ZNF469: variants seen among roughly 807,000 people sequenced by gnomAD.
ZNF469 encodes the protein zinc finger protein 469.
A neutral mutation model predicts 1.0 loss-of-function variants in ZNF469; 1 was observed. The observed-to-expected ratio is 1.00, with a 90% CI of 0.35 to 4.73. The LOEUF is 4.73. Among genes scored for constraint, ZNF469 ranks in the 30% most tolerant of loss-of-function variants. ZNF469 has a pLI of 0.16. For synonymous variants in ZNF469, 2,703 were observed against 2,363.4 expected, an observed-to-expected ratio of 1.14 and a Z score of -4.17; for missense variants, 6,100 against 5,356.3, an observed-to-expected ratio of 1.14 and a Z score of -4.33.
Position 88,431,112 on chromosome 16 carries a change from A to C in ZNF469, c.3642A>C (p.Glu1214Asp). 6.5e-7 allele frequency: 1 copy of C among 1,550,252 alleles called. No individual in the cohort carries two copies. The highest frequency in any genetic ancestry group is 8.7e-7 in the Non-Finnish European group (1 of 1,146,936). ...QVPTNTETSE[E>D]TRPSLDFPQE... Reference sequence around the variant, plus strand: ...CCACCAACACCGAGACCTCAGAGGAAACCCGCCCGTCGCTGGACTTTCCCC... The same window carrying C: ...CCACCAACACCGAGACCTCAGAGGACACCCGCCCGTCGCTGGACTTTCCCC... Residue 1214 changes from glutamate (E) to aspartate (D), a missense_variant, in exon 3 of 3, where the codon GAA (glutamate) becomes GAC (aspartate). Physicochemically the swap from Glu to Asp is conservative, Grantham distance 45. Coordinates refer to ENST00000565624, the MANE Select transcript of ZNF469 (RefSeq NM_001367624.2).
intron 1 of ZNF469, among the ~76,000 whole-genome samples, chr16:88,409,680 A>T (rs763690447): frequency 2.6e-5 from 4 of 152,244 alleles, no homozygotes; most frequent in Non-Finnish European, 5.9e-5. Context: ...ATGGAGACGA[A>T]AAATGCATGT....
At chr16:88,288,432 G>A in the ZNF469 span, among the ~76,000 whole-genome samples, 8 of 152,208 alleles carry the variant, frequency 5.3e-5, no homozygotes, top group Non-Finnish European at 1.2e-4. Context: ...TTATTGCCAA[G>A]AACATTGTCT....
chr16:88,118,786 G>A, the ZNF469 span, among the ~76,000 whole-genome samples: 1 of 152,196 alleles, frequency 6.6e-6, no homozygotes, highest in South Asian at 2.1e-4. Flanking sequence ...ACTAATGCAG[G>A]CACCAGTAAG....
the ZNF469 span, among the ~76,000 whole-genome samples, chr16:88,296,093 C>T: frequency 1.9e-4 from 29 of 152,184 alleles, no homozygotes; most frequent in Admixed American, 1.8e-3. Context: ...TGCGCCTTTG[C>T]AGGGCCCCCT....
At chr16:88,237,447 C>T in the ZNF469 span, among the ~76,000 whole-genome samples, 13 of 57,802 alleles carry the variant, frequency 2.2e-4, no homozygotes, top group South Asian at 3.0e-3. Context: ...CCCTGCCCTC[C>T]GTGCTCCTGC....
Position 88,429,748 on chromosome 16 carries a change from G to C in ZNF469, c.2278G>C (p.Ala760Pro). 6.5e-7 allele frequency: 1 copy of C among 1,544,488 alleles called. No homozygotes were observed. The highest frequency in any genetic ancestry group is 8.7e-7 in the Non-Finnish European group (1 of 1,144,772). ...RQFCGLLLAR[A>P]KDGHQRSPGP... Reference sequence around the variant, plus strand: ...GTTCTGTGGCCTGCTCCTGGCCAGGGCCAAGGATGGCCACCAGCGGTCTCC... The same window carrying C: ...GTTCTGTGGCCTGCTCCTGGCCAGGCCCAAGGATGGCCACCAGCGGTCTCC... Residue 760 changes from alanine to proline, a missense_variant, in exon 3 of 3, where the codon GCC becomes CCC. Physicochemically the swap from Ala to Pro is conservative, Grantham distance 27. Transcript: ENST00000565624.
chr16:88,358,892 C>G, the ZNF469 span, among the ~76,000 whole-genome samples: 2 of 152,000 alleles, frequency 1.3e-5, no homozygotes, highest in African/African-American at 4.8e-5. Flanking sequence ...CTAGCCTCAC[C>G]TTTTCTTGTC....
the ZNF469 span, among the ~76,000 whole-genome samples, chr16:88,311,794 A>G: frequency 2.0e-5 from 3 of 152,248 alleles, no homozygotes; most frequent in African/African-American, 7.2e-5. Flanking sequence ...TCGTTCGCCA[A>G]CAAGGACATA....
the ZNF469 span, among the ~76,000 whole-genome samples, chr16:88,185,876 GCACA>G: frequency 6.7e-6 from 1 of 148,450 alleles, no homozygotes; most frequent in Non-Finnish European, 1.5e-5. Context: ...TATAGTATAT[GCACA>G]CACACACTTA....
At chr16:88,417,458 C>T (rs1345343957) in intron 1 of ZNF469, among the ~76,000 whole-genome samples, 2 of 152,188 alleles carry the variant, frequency 1.3e-5, no homozygotes, top group East Asian at 1.9e-4. Flanking sequence ...CTGGACGAGC[C>T]GTCTCAGCCT....
At chr16:88,145,388 T>C in the ZNF469 span, among the ~76,000 whole-genome samples, 1 of 152,204 alleles carries the variant, frequency 6.6e-6, no homozygotes, top group Non-Finnish European at 1.5e-5. Context: ...CACTGGGCTA[T>C]TGGTGGCAAA....
chr16:88,397,376 T>G (rs1353280965), intron 1 of ZNF469, among the ~76,000 whole-genome samples: 1 of 152,066 alleles, frequency 6.6e-6, no homozygotes, highest in Admixed American at 6.5e-5. Context: ...GTGCCTTTCC[T>G]TCATCATCTC....
the ZNF469 span, among the ~76,000 whole-genome samples, chr16:88,301,981 C>T: frequency 6.6e-6 from 1 of 152,180 alleles, no homozygotes; most frequent in Non-Finnish European, 1.5e-5. Flanking sequence ...GTTGTGCTCA[C>T]TATAAAGACA....
Position 88,438,419 on chromosome 16 carries a change from T to A in ZNF469, c.10949T>A (p.Val3650Glu). 1.3e-6 allele frequency: 2 copies of A among 1,549,726 alleles called. No homozygotes were observed. The highest frequency in any genetic ancestry group is 1.7e-6 in the Non-Finnish European group (2 of 1,146,856). ...EDHLLQKEKE[V>E]SSSHMVSEGG... ...CACCTACTTCAGAAAGAGAAGGAGGTGTCCTCAAGCCACATGGTGTCTGAG... is the reference window on the plus strand; with the variant it reads ...CACCTACTTCAGAAAGAGAAGGAGGAGTCCTCAAGCCACATGGTGTCTGAG... The change falls in exon 3 of 3, where the codon GTG becomes GAG. Residue 3650 changes from valine (V) to glutamate (E), a missense_variant. Transcript: ENST00000565624.
the ZNF469 span, among the ~76,000 whole-genome samples, chr16:88,138,915 A>G: frequency 3.7e-4 from 56 of 152,364 alleles, no homozygotes; most frequent in African/African-American, 1.3e-3. Flanking sequence ...CTATTCGGCT[A>G]TTCACCATTC....
the ZNF469 span, among the ~76,000 whole-genome samples, chr16:88,167,148 G>C: frequency 7.4e-6 from 1 of 134,994 alleles, no homozygotes; most frequent in Non-Finnish European, 1.5e-5. Context: ...TGTAACCTCC[G>C]CCTCCCGGGT....
At chr16:88,332,051 G>A in the ZNF469 span, among the ~76,000 whole-genome samples, 50,294 of 152,068 alleles carry the variant, frequency 0.33, 9,009 homozygotes, top group African/African-American at 0.47. Flanking sequence ...GGCAGCCCCC[G>A]AGTCCCCTTT....
At chr16:88,139,112 TGA>T in the ZNF469 span, among the ~76,000 whole-genome samples, 2 of 152,132 alleles carry the variant, frequency 1.3e-5, no homozygotes, top group Non-Finnish European at 2.9e-5. Flanking sequence ...AAGAGTGAAA[TGA>T]GAGGGTGTTT....
chr16:88,369,754 G>A, the ZNF469 span, among the ~76,000 whole-genome samples: 5 of 152,188 alleles, frequency 3.3e-5, no homozygotes, highest in African/African-American at 4.8e-5. Flanking sequence ...CAGGAATAAC[G>A]AGGGGCCACG....
Sources: allele counts gnomAD v4.1 joint callset (sites outside exome capture counted in the v4.1 genomes callset), GRCh38; gene constraint gnomAD v4.1.1; transcripts MANE v1.5; gene names NCBI Gene and HGNC (gene_info 2026-07-23, HGNC 2026-07-21).